The following DAZL variants were observed in gnomAD, a reference collection of about 807,000 sequenced individuals.
DAZL encodes the protein deleted in azoospermia-like.
In DAZL, 4 loss-of-function variants were observed where a neutral mutation model predicts 45.0. That is an observed-to-expected ratio of 0.09 (90% CI 0.04 to 0.20). The LOEUF (loss-of-function observed/expected upper bound fraction) is 0.20, where lower values mean the gene tolerates loss of function less well. DAZL is among the 10% of genes least tolerant of loss of function. The pLI is 1.00. For synonymous variants in DAZL, 122 were observed against 112.4 expected (o/e 1.09, Z -0.54); for missense variants, 326 against 351.3 (o/e 0.93, Z 0.58).
At chr3:16,604,488 C>G in intron 1 of DAZL, 1 of 1,523,524 alleles carries the variant, frequency 6.6e-7, no homozygotes, top group Non-Finnish European at 8.8e-7. Flanking sequence ...CGCCGCCACA[C>G]GAGGGAGCCG....
At chr3:16,598,060 T>C in intron 3 of DAZL, 27 bp downstream of exon 3, 1 of 1,498,678 alleles carries the variant, frequency 6.7e-7, no homozygotes, top group Non-Finnish European at 9.2e-7. Flanking sequence ...TGGCTAGAGT[T>C]CAGATATTTT....
intron 6 of DAZL, 104 bp from the exon 7 acceptor site, chr3:16,595,489 T>C: frequency 1.5e-6 from 1 of 672,608 alleles, no homozygotes; most frequent in Non-Finnish European, 2.5e-6. Context: ...TAAAATATTT[T>C]TCTATATACA....
intron 1 of DAZL, 110 bp downstream of exon 1, chr3:16,605,093 C>G (rs934620540): frequency 7.0e-7 from 1 of 1,423,494 alleles, no homozygotes. Context: ...CAGGTGCCCC[C>G]CAAACAGGAA....
chr3:16,602,126 G>A (rs1415053443), intron 1 of DAZL, among the ~76,000 whole-genome samples: 1 of 152,044 alleles, frequency 6.6e-6, no homozygotes, highest in Admixed American at 6.6e-5. Context: ...GGAGTTGGGG[G>A]TGGGGAGGAT....
rs1033617091 is a variant in DAZL, at chr3:16,592,221, A to G, written c.736-73T>C. 6 of 1,564,286 alleles carry G rather than the reference A, an allele frequency of 3.8e-6. No individual in the cohort carries two copies. The Admixed American group carries it at 8.5e-5, about 22-fold the overall frequency. ...CTCTTAGTAAGGGTTTTTTTTTGAT[A>G]GTTTAATGAATATATTACTTTATTT... On this transcript the variant is annotated intron_variant, in intron 9 of 10. Transcript: ENST00000399444.
chr3:16,598,068 T>G lies in DAZL; in HGVS notation c.242+19A>C, dbSNP rs780379435. 4 of 1,532,646 alleles carry G rather than the reference T, an allele frequency of 2.6e-6. No homozygotes were observed. The Admixed American group carries it at 6.8e-5, about 26-fold the overall frequency. The allele number at this position is 1,532,646 out of a possible 1,614,324, so 94.9% of individuals were successfully genotyped here. ...CTATACGTGGCTAGAGTTCAGATAT[T>G]TTTGATAAAATTACTCACCCTTTGG... On this transcript the variant is annotated intron_variant, in intron 3 of 10. Transcript: ENST00000399444.
intron 2 of DAZL, 129 bp from the exon 3 acceptor site, chr3:16,598,307 A>G (rs1345103400): frequency 1.4e-6 from 2 of 1,410,986 alleles, no homozygotes; most frequent in Non-Finnish European, 2.0e-6. Flanking sequence ...GCTCTTTGTC[A>G]AAGATATTTT....
At chr3:16,603,546 C>T (rs569821346) in intron 1 of DAZL, among the ~76,000 whole-genome samples, 29 of 146,004 alleles carry the variant, frequency 2.0e-4, no homozygotes, top group African/African-American at 5.3e-4. Context: ...GGGGTTTCGC[C>T]GTATTAGCCA....
intron 10 of DAZL, among the ~76,000 whole-genome samples, chr3:16,589,995 G>A (rs567794552): frequency 1.1e-4 from 17 of 152,206 alleles, no homozygotes; most frequent in Middle Eastern, 3.4e-3. Flanking sequence ...GATCCCTTGC[G>A]TCAGGAGTTT....
chr3:16,594,567 G>A lies in DAZL; in HGVS notation c.587C>T (p.Pro196Leu). 3 of 1,580,716 alleles carry A rather than the reference G, an allele frequency of 1.9e-6. No homozygotes were observed. The highest frequency in any genetic ancestry group is 1.8e-5 in the Admixed American group (1 of 55,044). The change falls in exon 8 of 11, where the codon CCT becomes CTT. Residue 196 changes from proline to leucine, a missense_variant. Pro to Leu is a moderately conservative substitution (Grantham distance 98, BLOSUM62 -3). Transcript: ENST00000399444. ...VYNYQMPPQW[P>L]VGEQRSYVVP... The stretch of plus-strand genomic sequence containing the variant: ...AACATAGCTCCTTTGCTCCCCAACA[G>A]GCCACTGTGGTGGCATCTTAAAAAA...
chr3:16,601,418 A>ATT (rs1297362554), intron 1 of DAZL, among the ~76,000 whole-genome samples: 1 of 152,216 alleles, frequency 6.6e-6, no homozygotes, highest in African/African-American at 2.4e-5. Context: ...AGGCACCATC[A>ATT]TGTCCTAGTT....
intron 1 of DAZL, among the ~76,000 whole-genome samples, chr3:16,604,020 G>T (rs1472937921): frequency 6.6e-6 from 1 of 152,168 alleles, no homozygotes; most frequent in Admixed American, 6.5e-5. Context: ...CTCTAAAAAT[G>T]AAAAGTGTTA....
chr3:16,598,000 T>C, intron 3 of DAZL, 87 bp downstream of exon 3: 5 of 1,279,990 alleles, frequency 3.9e-6, no homozygotes, highest in Non-Finnish European at 4.4e-6. Context: ...AACAAATTTA[T>C]GTTAAGTGTC....
chr3:16,593,899 T>C, intron 8 of DAZL, 131 bp from the exon 9 acceptor site: 1 of 608,938 alleles, frequency 1.6e-6, no homozygotes, highest in Non-Finnish European at 2.9e-6. Context: ...TTATATTATT[T>C]CAAAAACTTT....
chr3:16,602,004 A>G (rs1575420358), intron 1 of DAZL, among the ~76,000 whole-genome samples: 2 of 152,236 alleles, frequency 1.3e-5, no homozygotes, highest in East Asian at 3.8e-4. Flanking sequence ...TAGTTATCAA[A>G]GTTACGTTCA....
chr3:16,605,157 T>TGAAGACTCCGCCAGC, intron 1 of DAZL, 46 bp downstream of exon 1: 1 of 1,613,404 alleles, frequency 6.2e-7, no homozygotes, highest in Non-Finnish European at 8.5e-7. Flanking sequence ...CACCCACGAG[T>TGAAGACTCCGCCAGC]GAAGACTCCG....
intron 1 of DAZL, among the ~76,000 whole-genome samples, chr3:16,604,263 G>A (rs1485227446): frequency 6.6e-6 from 1 of 152,170 alleles, no homozygotes; most frequent in Non-Finnish European, 1.5e-5. Flanking sequence ...GTTCAGAGCT[G>A]CATCTTGTGG....
chr3:16,597,584 G>T, intron 3 of DAZL, 43 bp from the exon 4 acceptor site: 1 of 1,219,172 alleles, frequency 8.2e-7, no homozygotes, highest in Non-Finnish European at 1.2e-6. Flanking sequence ...CCATCATACA[G>T]TACATGGTTC....
At position 16,597,550 on chromosome 3, in the gene DAZL, G is replaced by A. The variant is rs773178905; in HGVS notation, c.243-9C>T. The A allele has an allele frequency of 1.1e-5, 17 of 1,548,100 alleles. No homozygotes were observed. The highest frequency in any genetic ancestry group is 2.7e-5 in the African/African-American group (2 of 73,734). ...ATGAAACAAATCCATAGCTATAAAG[G>A]CAGATAAATGAAGTATAAAATCACC... On this transcript the variant is annotated splice_polypyrimidine_tract_variant and intron_variant, in intron 3 of 10. Coordinates refer to ENST00000399444, the MANE Select transcript of DAZL (RefSeq NM_001351.4).
Sources: allele counts gnomAD v4.1 joint callset (sites outside exome capture counted in the v4.1 genomes callset), GRCh38; gene constraint gnomAD v4.1.1; transcripts MANE v1.5; gene names NCBI Gene and HGNC (gene_info 2026-07-23, HGNC 2026-07-21).